MAF: variants seen among roughly 807,000 people sequenced by gnomAD.
MAF encodes MAF bZIP transcription factor.
Under a neutral mutation model 22.0 loss-of-function variants are expected in MAF, and 10 were observed. That is an observed-to-expected ratio of 0.45 (90% CI 0.28 to 0.77). The LOEUF (loss-of-function observed/expected upper bound fraction) is 0.77. Ranked by LOEUF, MAF falls within the 30% of genes least tolerant of loss-of-function variation. The pLI is 0.12. For missense variants in MAF, 544 were observed against 548.4 expected, an observed-to-expected ratio of 0.99 and a Z score of 0.08; for synonymous variants, 337 against 255.8, an observed-to-expected ratio of 1.32 and a Z score of -3.03.
the MAF span, among the ~76,000 whole-genome samples, chr16:79,492,346 C>G: frequency 7.2e-5 from 11 of 152,026 alleles, no homozygotes; most frequent in East Asian, 2.1e-3. Context: ...TACAAAAAGT[C>G]AAAACAAATG....
chr16:79,211,722 G>C, the MAF span: 13 of 1,614,104 alleles, frequency 8.1e-6, no homozygotes, highest in Non-Finnish European at 1.0e-5. Flanking sequence ...AGCTCAGAGC[G>C]AAGAGACGGC....
At chr16:79,384,488 T>G in the MAF span, among the ~76,000 whole-genome samples, 2 of 145,342 alleles carry the variant, frequency 1.4e-5, no homozygotes, top group Non-Finnish European at 3.0e-5. Context: ...CCGGGCATGG[T>G]GGCTCACGCC....
At chr16:79,532,711 C>T in the MAF span, among the ~76,000 whole-genome samples, 9 of 152,250 alleles carry the variant, frequency 5.9e-5, no homozygotes, top group South Asian at 2.1e-4. Context: ...TGTGTGTGCG[C>T]GTGCATGCGT....
At chr16:79,540,090 G>A in the MAF span, among the ~76,000 whole-genome samples, 107 of 152,170 alleles carry the variant, frequency 7.0e-4, no homozygotes, top group African/African-American at 2.4e-3. Context: ...AGACTGCAGT[G>A]GTAGAGTCAG....
At chr16:79,471,203 C>T in the MAF span, among the ~76,000 whole-genome samples, 1 of 152,194 alleles carries the variant, frequency 6.6e-6, no homozygotes, top group Non-Finnish European at 1.5e-5. Context: ...GGAGCAAGTT[C>T]CTGTGCTTTA....
rs555035655 is a variant in MAF, at chr16:79,600,655, G to A, written c.-753C>T. ...GGAAAGACGAGGCAGAGAGCAAAGG[G>A]GGGAGGGGGAGGCCAAGCCGACAAG... On this transcript the variant is annotated 5_prime_UTR_variant, in exon 1 of 2. Coordinates refer to ENST00000326043, the MANE Select transcript of MAF (RefSeq NM_005360.5). 4 of 196,434 alleles carry A rather than the reference G, an allele frequency of 2.0e-5. No individual in the cohort carries two copies. The highest frequency in any genetic ancestry group is 1.2e-5 in the Non-Finnish European group (1 of 85,434). The allele number at this position is 196,434 out of a possible 1,614,324, so 12.2% of individuals were successfully genotyped here.
chr16:79,421,979 T>C, the MAF span, among the ~76,000 whole-genome samples: 5 of 152,202 alleles, frequency 3.3e-5, no homozygotes, highest in Non-Finnish European at 7.3e-5. Context: ...GGTTTCACCA[T>C]GTTGGCCAGG....
chr16:79,433,205 C>G, the MAF span, among the ~76,000 whole-genome samples: 1 of 150,964 alleles, frequency 6.6e-6, no homozygotes, highest in Non-Finnish European at 1.5e-5. Context: ...ATTTATACTC[C>G]TTTTCTCTCG....
the MAF span, among the ~76,000 whole-genome samples, chr16:79,234,298 A>G: frequency 6.6e-6 from 1 of 152,110 alleles, no homozygotes; most frequent in Non-Finnish European, 1.5e-5. Context: ...GCCAGATTTC[A>G]AAGACCCCAG....
the MAF span, among the ~76,000 whole-genome samples, chr16:79,307,544 A>G: frequency 6.6e-6 from 1 of 152,346 alleles, no homozygotes; most frequent in Middle Eastern, 3.4e-3. Context: ...CATGCCCCCG[A>G]CATGATGGGC....
the MAF span, among the ~76,000 whole-genome samples, chr16:79,451,017 G>A: frequency 6.6e-6 from 1 of 151,964 alleles, no homozygotes. Context: ...CTCCACACAA[G>A]GTAATCTTAC....
At chr16:79,465,780 G>C in the MAF span, among the ~76,000 whole-genome samples, 1 of 152,138 alleles carries the variant, frequency 6.6e-6, no homozygotes. Flanking sequence ...AGAGGGAGCT[G>C]TAGTAGGGTC....
At chr16:79,510,533 A>G in the MAF span, among the ~76,000 whole-genome samples, 1 of 152,146 alleles carries the variant, frequency 6.6e-6, no homozygotes, top group African/African-American at 2.4e-5. Flanking sequence ...CCAGAATGGA[A>G]GGTTCTGTTT....
the MAF span, among the ~76,000 whole-genome samples, chr16:79,399,735 C>A: frequency 9.9e-5 from 15 of 152,274 alleles, no homozygotes; most frequent in Middle Eastern, 3.4e-3. Context: ...CGGAATCATG[C>A]ACCTGCTGTC....
At chr16:79,395,556 G>A in the MAF span, among the ~76,000 whole-genome samples, 6 of 152,286 alleles carry the variant, frequency 3.9e-5, no homozygotes, top group African/African-American at 1.4e-4. Flanking sequence ...GGGCAGGAAT[G>A]CCATATGACG....
the MAF span, among the ~76,000 whole-genome samples, chr16:79,559,897 C>G: frequency 0.013 from 1,909 of 152,234 alleles, 33 homozygotes; most frequent in African/African-American, 0.044. Flanking sequence ...TTGTGTTTCT[C>G]TCCTATATCT....
At chr16:79,408,563 G>A in the MAF span, among the ~76,000 whole-genome samples, 13 of 151,960 alleles carry the variant, frequency 8.6e-5, no homozygotes, top group Admixed American at 8.5e-4. Flanking sequence ...CTGTAAACTG[G>A]AACTAATAAT....
chr16:79,449,808 C>T, the MAF span, among the ~76,000 whole-genome samples: 82,325 of 152,078 alleles, frequency 0.54, 25,015 homozygotes, highest in East Asian at 0.71. Context: ...AAAGTGCAGA[C>T]TCAGATCCCC....
chr16:79,269,813 A>T, the MAF span, among the ~76,000 whole-genome samples: 3 of 151,676 alleles, frequency 2.0e-5, no homozygotes, highest in East Asian at 1.9e-4. Context: ...ATGAACTCCA[A>T]CCTCCACGGA....
Sources: gnomAD v4.1 joint callset for allele counts (sites outside exome capture counted in the v4.1 genomes callset) on GRCh38, gnomAD v4.1.1 for gene constraint, MANE v1.5 for transcripts, NCBI Gene and HGNC (gene_info 2026-07-23, HGNC 2026-07-21) for gene names.